Variants in APOLD1 observed in about 807,000 individuals in gnomAD.
APOLD1 encodes apolipoprotein L domain-containing protein 1.
A neutral mutation model predicts 15.3 loss-of-function variants in APOLD1; 22 were observed. That is an observed-to-expected ratio of 1.44 (90% CI 1.03 to 2.05). The LOEUF is 2.05. Ranked by LOEUF, APOLD1 falls within the 30% of genes most tolerant of loss-of-function variation. APOLD1 has a pLI of 0.00. For missense variants in APOLD1, 394 were observed against 353.5 expected (o/e 1.11, Z -0.92); for synonymous variants, 190 against 167.4 (o/e 1.13, Z -1.04).
intron 1 of APOLD1, among the ~76,000 whole-genome samples, chr12:12,728,322 T>A (rs1032742804): frequency 1.3e-5 from 2 of 152,146 alleles, no homozygotes; most frequent in Admixed American, 6.6e-5. Flanking sequence ...AGTATAGATA[T>A]GTCTGATGAA....
chr12:12,787,790 G>C lies in APOLD1; in HGVS notation c.*138G>C. 1 of 1,266,210 alleles carries C rather than the reference G, an allele frequency of 7.9e-7. No individual in the cohort carries two copies. The highest frequency in any genetic ancestry group is 1.1e-6 in the Non-Finnish European group (1 of 936,066). The allele number at this position is 1,266,210 out of a possible 1,614,324, so 78.4% of individuals were successfully genotyped here. ...GATGAGAAAAACTGTTTTTGAAGTGGGCAGGTCCCCAAAGCCCTTCTTTTC... is the reference window on the plus strand; with the variant it reads ...GATGAGAAAAACTGTTTTTGAAGTGCGCAGGTCCCCAAAGCCCTTCTTTTC... On this transcript the variant is annotated 3_prime_UTR_variant, in exon 2 of 2. Coordinates refer to ENST00000356591, the MANE Select transcript of APOLD1 (RefSeq NM_030817.3). The surrounding 1 kb of genome is among the most constrained non-coding windows in gnomAD (Gnocchi z 4.9).
chr12:12,748,288 C>T (rs892920633), intron 1 of APOLD1, among the ~76,000 whole-genome samples: 1 of 152,090 alleles, frequency 6.6e-6, no homozygotes, highest in African/African-American at 2.4e-5. Context: ...ACAAACAGTC[C>T]AAGTTTTAAT....
chr12:12,757,640 C>T (rs1480603834), intron 1 of APOLD1, among the ~76,000 whole-genome samples: 2 of 151,800 alleles, frequency 1.3e-5, no homozygotes, highest in African/African-American at 2.4e-5. Context: ...TTCCATCTCC[C>T]AAAAGTAACC....
chr12:12,784,096 T>C (rs1027945503), upstream of APOLD1, among the ~76,000 whole-genome samples: 12 of 152,234 alleles, frequency 7.9e-5, no homozygotes, highest in Non-Finnish European at 1.8e-4. Context: ...CGCTGTCTAT[T>C]TTCCTCTACC....
upstream of APOLD1, among the ~76,000 whole-genome samples, chr12:12,784,917 G>C (rs1468336403): frequency 6.6e-6 from 1 of 152,144 alleles, no homozygotes; most frequent in Non-Finnish European, 1.5e-5. Context: ...CTATCACATG[G>C]GCTACAATTG....
rs753159423 is a variant in APOLD1 at position 12,790,928 on chromosome 12, G to A, written c.*3276G>A. ...AATGGTATGTTGTAAAAGAGAAGAC[G>A]GGAGAGAGGTATTTAGATGATAAGT... On this transcript the variant is annotated 3_prime_UTR_variant, in exon 2 of 2. Coordinates refer to ENST00000356591, the MANE Select transcript of APOLD1 (RefSeq NM_030817.3). 5.1e-4 allele frequency: 77 copies of A among 152,140 alleles called. No homozygotes were observed. The highest frequency in any genetic ancestry group is 8.2e-4 in the Non-Finnish European group (56 of 68,022). 9.4% of individuals were successfully genotyped at this position (152,140 alleles called of 1,614,324 possible).
chr12:12,734,279 A>G (rs888102852), intron 1 of APOLD1, among the ~76,000 whole-genome samples: 7 of 152,220 alleles, frequency 4.6e-5, no homozygotes, highest in African/African-American at 1.4e-4. Flanking sequence ...CACTTGGCAC[A>G]CTCAGGGAAT....
At chr12:12,743,116 C>G (rs958596710) in intron 1 of APOLD1, among the ~76,000 whole-genome samples, 1 of 152,202 alleles carries the variant, frequency 6.6e-6, no homozygotes, top group Non-Finnish European at 1.5e-5. Flanking sequence ...ATATCATTTG[C>G]CTGAAAGGGG....
At chr12:12,750,167 G>A (rs1172065981) in intron 1 of APOLD1, among the ~76,000 whole-genome samples, 2 of 152,110 alleles carry the variant, frequency 1.3e-5, no homozygotes, top group African/African-American at 4.8e-5. Flanking sequence ...GAGGTTGGGA[G>A]TTCGAGACCG....
chr12:12,744,023 A>T (rs1946745957), intron 1 of APOLD1, among the ~76,000 whole-genome samples: 1 of 152,204 alleles, frequency 6.6e-6, no homozygotes, highest in African/African-American at 2.4e-5. Context: ...GCAAGATATT[A>T]AATTGATGAT....
intron 1 of APOLD1, among the ~76,000 whole-genome samples, chr12:12,749,842 C>G (rs1320079869): frequency 6.7e-6 from 1 of 149,998 alleles, no homozygotes; most frequent in African/African-American, 2.5e-5. Context: ...TTGCTTCATT[C>G]TTTCTTTGTT....
chr12:12,729,469 A>G (rs1946619779), intron 1 of APOLD1, among the ~76,000 whole-genome samples: 1 of 151,994 alleles, frequency 6.6e-6, no homozygotes, highest in South Asian at 2.1e-4. Flanking sequence ...TACGTTGCCT[A>G]GGCTGGTCTT....
At chr12:12,730,917 G>A (rs913495699) in intron 1 of APOLD1, among the ~76,000 whole-genome samples, 2 of 151,842 alleles carry the variant, frequency 1.3e-5, no homozygotes, top group Admixed American at 1.3e-4. Context: ...CGAGGCAGGC[G>A]GATCACAAGG....
chr12:12,760,500 G>T (rs745988220), intron 1 of APOLD1, among the ~76,000 whole-genome samples: 1 of 151,624 alleles, frequency 6.6e-6, no homozygotes, highest in Non-Finnish European at 1.5e-5. Context: ...TTAGCCGGGC[G>T]TGGTTCTGGG....
intron 1 of APOLD1, 37 bp from the exon 2 acceptor site, chr12:12,786,872 G>C (rs1947129146): frequency 3.6e-6 from 5 of 1,383,086 alleles, no homozygotes; most frequent in Non-Finnish European, 4.6e-6. Context: ...GGCTGGCACG[G>C]AGACTCCAGG....
chr12:12,742,649 C>G (rs1252584644), intron 1 of APOLD1, among the ~76,000 whole-genome samples: 1 of 152,236 alleles, frequency 6.6e-6, no homozygotes, highest in African/African-American at 2.4e-5. Flanking sequence ...CCTGTGATCC[C>G]AGCTACTCAG....
At chr12:12,749,540 CTTCACCTTAACCTCTGAT>C (rs370237477) in intron 1 of APOLD1, among the ~76,000 whole-genome samples, 88 of 152,330 alleles carry the variant, frequency 5.8e-4, no homozygotes, top group African/African-American at 2.1e-3. Context: ...AACTTTGTAA[CTTCACCTTAACCTCTGAT>C]TGGTTGCTTT....
intron 1 of APOLD1, among the ~76,000 whole-genome samples, chr12:12,780,608 A>G (rs1947072100): frequency 6.8e-6 from 1 of 148,142 alleles, no homozygotes; most frequent in South Asian, 2.2e-4. Flanking sequence ...ATTTATTTTG[A>G]TACAGAGTCT....
chr12:12,757,791 T>C (rs1183175951), intron 1 of APOLD1, among the ~76,000 whole-genome samples: 2 of 152,172 alleles, frequency 1.3e-5, no homozygotes, highest in Non-Finnish European at 2.9e-5. Context: ...CTCCTGAGTT[T>C]TATAGCATTT....
Sources: allele counts gnomAD v4.1 joint callset (sites outside exome capture counted in the v4.1 genomes callset), GRCh38; gene constraint gnomAD v4.1.1; non-coding constraint Gnocchi (gnomAD v3.1); transcripts MANE v1.5; gene names NCBI Gene and HGNC (gene_info 2026-07-23, HGNC 2026-07-21).